The following EIF3G variants were observed in gnomAD, a reference collection of about 807,000 sequenced individuals.
The protein encoded by EIF3G is eukaryotic translation initiation factor 3 RNA-binding subunit.
A neutral mutation model predicts 41.7 loss-of-function variants in EIF3G; 10 were observed. That is an observed-to-expected ratio of 0.24 (90% CI 0.15 to 0.41). EIF3G has a LOEUF of 0.41. EIF3G is among the 10% of genes least tolerant of loss of function. EIF3G has a pLI of 1.00. For synonymous variants in EIF3G, 204 were observed against 172.5 expected (o/e 1.18, Z -1.43); for missense variants, 297 against 444.0 (o/e 0.67, Z 2.98).
chr19:10,119,010 G>A (rs2089282838), intron 3 of EIF3G, 54 bp from the exon 4 acceptor site: 1 of 1,613,330 alleles, frequency 6.2e-7, no homozygotes, highest in Non-Finnish European at 8.5e-7. Flanking sequence ...TGGGGATCAG[G>A]AGCGGCAGGG....
At chr19:10,115,642 G>A (rs886250382) in intron 9 of EIF3G, 42 bp downstream of exon 9, 1 of 1,610,246 alleles carries the variant, frequency 6.2e-7, no homozygotes, top group African/African-American at 1.3e-5. Context: ...CCTAGGACAA[G>A]TGACCCTCAC....
chr19:10,118,497 G>A (rs566898208), intron 5 of EIF3G, 171 bp downstream of exon 5: 27 of 680,254 alleles, frequency 4.0e-5, no homozygotes, highest in Non-Finnish European at 5.7e-5. Flanking sequence ...CCCAGGAGGC[G>A]GAGGTTGCAG....
At position 10,115,615 on chromosome 19, in the gene EIF3G, G is replaced by C. The variant is rs755719856; in HGVS notation, c.841-30C>G. 19 of 1,611,098 alleles carry C rather than the reference G, an allele frequency of 1.2e-5. No individual in the cohort carries two copies. The East Asian group carries it at 3.8e-4, about 32-fold the overall frequency. On this transcript the variant is annotated intron_variant, in intron 9 of 10. Coordinates refer to ENST00000253108, the MANE Select transcript of EIF3G (RefSeq NM_003755.5). Reference sequence around the variant, plus strand: ...GGAGGGGCGGGATGGGGTCGGGCACGAGCTAGGACAGGCGACCCTAGGACA... The same window carrying C: ...GGAGGGGCGGGATGGGGTCGGGCACCAGCTAGGACAGGCGACCCTAGGACA...
Position 10,116,205 on chromosome 19 carries a change from G to A in EIF3G, c.596-131C>T. 1.2e-6 allele frequency: 1 copy of A among 859,156 alleles called. No homozygotes were observed. Among genetic ancestry groups the A allele is most frequent in the Non-Finnish European group, 1.8e-6 (1 of 559,530 alleles). The allele number at this position is 859,156 out of a possible 1,614,324, so 53.2% of individuals were successfully genotyped here. On this transcript the variant is annotated intron_variant, in intron 7 of 10. Coordinates refer to ENST00000253108, the MANE Select transcript of EIF3G (RefSeq NM_003755.5). The surrounding 1 kb of genome is among the most constrained non-coding windows in gnomAD (Gnocchi z 4.1). ...TGTGCCAAACCACAGGCAGCCAGTT[G>A]GCCACGAGGACACCAAGGTGACACC...
intron 2 of EIF3G, 59 bp downstream of exon 2, chr19:10,119,595 G>C: frequency 6.5e-7 from 1 of 1,541,050 alleles, no homozygotes; most frequent in Non-Finnish European, 8.8e-7. Flanking sequence ...ATGGAAGCAG[G>C]CGGCAGTCAC....
At chr19:10,115,920 T>A in intron 8 of EIF3G, 47 bp downstream of exon 8, 1 of 1,606,180 alleles carries the variant, frequency 6.2e-7, no homozygotes, top group Non-Finnish European at 8.5e-7. Flanking sequence ...AATTACGAGG[T>A]GCCGGGAGGT....
intron 4 of EIF3G, 43 bp downstream of exon 4, chr19:10,118,825 C>A (rs1314103619): frequency 6.2e-7 from 1 of 1,608,686 alleles, no homozygotes; most frequent in Non-Finnish European, 8.5e-7. Flanking sequence ...TCTATGGGCC[C>A]CCAAGCACAA....
Position 10,115,594 on chromosome 19 carries a change from G to A in EIF3G, c.841-9C>T. 2 of 1,612,184 alleles carry A rather than the reference G, an allele frequency of 1.2e-6. No homozygotes were observed. Among genetic ancestry groups the A allele is most frequent in the Non-Finnish European group, 1.7e-6 (2 of 1,178,628 alleles). ...CTGATGAAGGCAAAGCCCTGTGGAG[G>A]GGCGGGATGGGGTCGGGCACGAGCT... On this transcript the variant is annotated splice_polypyrimidine_tract_variant and intron_variant, in intron 9 of 10. Transcript: ENST00000253108.
At chr19:10,117,222 G>T in intron 5 of EIF3G, 34 bp from the exon 6 acceptor site, 1 of 1,527,632 alleles carries the variant, frequency 6.5e-7, no homozygotes, top group Non-Finnish European at 9.0e-7. Flanking sequence ...ACAGTTGAGG[G>T]CAGGGGCAGG....
At position 10,115,016 on chromosome 19, in the gene EIF3G, G is replaced by C; in HGVS notation, c.*98C>G. Reference sequence around the variant, plus strand: ...ACGCAAGAACAAAAAGAACCAAGTAGAGAGAGTGGAGCTGCTTTATTGCCC... The same window carrying C: ...ACGCAAGAACAAAAAGAACCAAGTACAGAGAGTGGAGCTGCTTTATTGCCC... On this transcript the variant is annotated 3_prime_UTR_variant, in exon 11 of 11. Coordinates refer to ENST00000253108, the MANE Select transcript of EIF3G (RefSeq NM_003755.5). 1 of 1,560,116 alleles carries C rather than the reference G, an allele frequency of 6.4e-7. No individual in the cohort carries two copies. The highest frequency in any genetic ancestry group is 1.1e-5 in the South Asian group (1 of 87,592).
At chr19:10,118,758 C>G in intron 4 of EIF3G, 31 bp from the exon 5 acceptor site, 1 of 1,613,240 alleles carries the variant, frequency 6.2e-7, no homozygotes, top group African/African-American at 1.3e-5. Context: ...GGGTCAGGCT[C>G]CTGGGACCAA....
Position 10,119,882 on chromosome 19 carries a change from G to A in EIF3G, c.-23C>T, listed in dbSNP as rs375341110. ...CATCGCAAAAAGTATTCTCCACGCA[G>A]CCCAAGCCCGGCCAGAGAGCGGAAG... On this transcript the variant is annotated 5_prime_UTR_variant, in exon 1 of 11. Coordinates refer to ENST00000253108, the MANE Select transcript of EIF3G (RefSeq NM_003755.5). 2.5e-5 allele frequency: 40 copies of A among 1,613,990 alleles called. No homozygotes were observed. Among genetic ancestry groups the A allele is most frequent in the Non-Finnish European group, 3.1e-5 (37 of 1,180,040 alleles).
rs759948834 is a variant in EIF3G at position 10,115,610 on chromosome 19, G to A, written c.841-25C>T. On this transcript the variant is annotated intron_variant, in intron 9 of 10. Coordinates refer to ENST00000253108, the MANE Select transcript of EIF3G (RefSeq NM_003755.5). The stretch of plus-strand genomic sequence containing the variant: ...CCTGTGGAGGGGCGGGATGGGGTCG[G>A]GCACGAGCTAGGACAGGCGACCCTA... 11 of 1,611,900 alleles carry A rather than the reference G, an allele frequency of 6.8e-6. No individual in the cohort carries two copies. In the South Asian group the frequency reaches 1.2e-4, roughly 18 times the overall value.
At chr19:10,115,158 G>A (rs1244142449) in intron 10 of EIF3G, 29 bp from the exon 11 acceptor site, 1 of 1,612,922 alleles carries the variant, frequency 6.2e-7, no homozygotes, top group East Asian at 2.2e-5. Flanking sequence ...GCAGGTATAA[G>A]ACTTCTGGGG....
rs778713206 is a variant in EIF3G, at chr19:10,116,080, G to A, written c.596-6C>T. On this transcript the variant is annotated splice_polypyrimidine_tract_variant and splice_region_variant and intron_variant, in intron 7 of 10. Transcript: ENST00000253108. The surrounding 1 kb of genome is among the most constrained non-coding windows in gnomAD (Gnocchi z 4.1). ...GGCCTGCACCGGCTCTAGCTCTGGG[G>A]ACCAAAAGACAGTCAAGTTCAACCT... is the stretch of plus-strand genomic sequence containing the variant. The A allele has an allele frequency of 3.1e-6, 5 of 1,612,940 alleles. No individual in the cohort carries two copies. Among genetic ancestry groups the A allele is most frequent in the Non-Finnish European group, 4.2e-6 (5 of 1,179,448 alleles).
chr19:10,115,953 G>A lies in EIF3G; in HGVS notation c.703+14C>T, dbSNP rs370993731. 59 of 1,610,870 alleles carry A rather than the reference G, an allele frequency of 3.7e-5. No individual in the cohort carries two copies. Among genetic ancestry groups the A allele is most frequent in the African/African-American group, 2.1e-4 (16 of 74,844 alleles). Reference sequence around the variant, plus strand: ...GGTGCCCACCCACCAGCCTGGCGTCGGGGTGCCCCTCACCTCTGCGGTTGG... The same window carrying A: ...GGTGCCCACCCACCAGCCTGGCGTCAGGGTGCCCCTCACCTCTGCGGTTGG... On this transcript the variant is annotated intron_variant, in intron 8 of 10. Transcript: ENST00000253108.
At position 10,116,928 on chromosome 19, in the gene EIF3G, G is replaced by C; in HGVS notation, c.467C>G (p.Ser156Cys). The change falls in exon 7 of 11, where the codon TCC becomes TGC. Residue 156 changes from serine to cysteine, a missense_variant. Ser to Cys is a moderately radical substitution (Grantham distance 112). This residue lies in a region of EIF3G where 26 missense variants were observed against 80.8 expected (regional missense o/e 0.32). Transcript: ENST00000253108. This position sits in a 1 kb window ranked among gnomAD's most constrained non-coding sequence, Gnocchi z 4.1. ...GTGGTCGCCCTTGCAGATGCGGCAG[G>C]ACACGATCTTCTGGCCCTTGAGTTT... Reference protein sequence around the residue: ...MNKLKGQKIVSCRICKGDHWT... With the variant: ...MNKLKGQKIVCCRICKGDHWT... 6.2e-7 allele frequency: 1 copy of C among 1,613,968 alleles called. No individual in the cohort carries two copies. Among genetic ancestry groups the C allele is most frequent in the South Asian group, 1.1e-5 (1 of 91,074 alleles).
In EIF3G at chr19:10,119,185, C is replaced by G; in HGVS notation, c.68-14G>C. The G allele has an allele frequency of 1.3e-6, 2 of 1,565,904 alleles. No homozygotes were observed. Among genetic ancestry groups the G allele is most frequent in the Non-Finnish European group, 8.7e-7 (1 of 1,154,202 alleles). Reference sequence around the variant, plus strand: ...TGACACATTTGTCTGCAAAAGGCAGCGTAGGAAGGAGGAGTCAGCTCCAGG... The same window carrying G: ...TGACACATTTGTCTGCAAAAGGCAGGGTAGGAAGGAGGAGTCAGCTCCAGG... On this transcript the variant is annotated splice_polypyrimidine_tract_variant and intron_variant, in intron 2 of 10. Transcript: ENST00000253108.
intron 2 of EIF3G, chr19:10,119,373 G>A (rs1311425823): frequency 2.6e-6 from 2 of 769,888 alleles, no homozygotes; most frequent in East Asian, 2.7e-5. Context: ...AGGAAGGTGG[G>A]TGCCAGGCCA....
Sources: allele counts gnomAD v4.1 joint callset, GRCh38; gene constraint gnomAD v4.1.1; regional missense constraint gnomAD v4.1.1; non-coding constraint Gnocchi (gnomAD v3.1); transcripts MANE v1.5; gene names NCBI Gene and HGNC (gene_info 2026-07-23, HGNC 2026-07-21).